Variants in DDX60 observed in about 807,000 individuals in gnomAD.
DDX60 encodes the protein probable ATP-dependent RNA helicase DDX60.
Under a neutral mutation model 212.8 loss-of-function variants are expected in DDX60, and 165 were observed. The ratio of observed to expected loss-of-function variants is 0.78; its 90% CI spans 0.68 to 0.88. The LOEUF (loss-of-function observed/expected upper bound fraction) is 0.88, where lower values mean the gene tolerates loss of function less well. DDX60 is among the 40% of genes least tolerant of loss of function. DDX60 has a pLI of 0.00. For missense variants in DDX60, 1,905 were observed against 2,003.9 expected (o/e 0.95, Z 0.94); for synonymous variants, 703 against 685.3 (o/e 1.03, Z -0.40).
chr4:168,302,036 G>C (rs534948718), intron 6 of DDX60, among the ~76,000 whole-genome samples: 14 of 152,232 alleles, frequency 9.2e-5, no homozygotes, highest in Non-Finnish European at 1.8e-4. Flanking sequence ...CAACTGAATG[G>C]ATGTGGTATC....
chr4:168,236,211 G>T, intron 33 of DDX60, 41 bp downstream of exon 33: 2 of 1,581,196 alleles, frequency 1.3e-6, no homozygotes, highest in Non-Finnish European at 8.6e-7. Context: ...TCTATTTAGT[G>T]GTTTTACATT....
the DDX60 span, among the ~76,000 whole-genome samples, chr4:168,323,898 C>A: frequency 6.6e-6 from 1 of 152,192 alleles, no homozygotes. Context: ...TTCAGAGACA[C>A]CCTGGTTAAA....
At chr4:168,287,248 C>T in intron 9 of DDX60, 45 bp from the exon 10 acceptor site, 1 of 1,485,454 alleles carries the variant, frequency 6.7e-7, no homozygotes, top group South Asian at 1.2e-5. Context: ...CCATCCACTC[C>T]CACATAAAGA....
Position 168,291,861 on chromosome 4 carries a change from T to G in DDX60, c.928A>C (p.Lys310Gln). 6.2e-7 allele frequency: 1 copy of G among 1,613,250 alleles called. No individual in the cohort carries two copies. Among genetic ancestry groups the G allele is most frequent in the Non-Finnish European group, 8.5e-7 (1 of 1,179,700 alleles). ...LTLQEMEDLC[K>Q]LHCLTVVFLL... ...AAAACCACAGTGAGACAATGCAGTT[T>G]ACACAAATCTTCCATCTCCTGCAGG... Residue 310 changes from lysine (K) to glutamine (Q), a missense_variant, in exon 8 of 38, where the codon AAA becomes CAA. Lys to Gln is a moderately conservative substitution (Grantham distance 53). Transcript: ENST00000393743.
In DDX60 at chr4:168,302,375, G is replaced by A. The variant is rs1167431680; in HGVS notation, c.648C>T (p.Asn216=). Residue 216 remains asparagine, a synonymous_variant, in exon 6 of 38, where the codon AAC becomes AAT. Coordinates refer to ENST00000393743, the MANE Select transcript of DDX60 (RefSeq NM_017631.6). The part of the protein sequence containing the change: ...NIKDAYTTLL[N]QLERFKLSAL... ...CTGAAAGCTTAAATCTTTCCAACTG[G>A]TTAAGCAGGGTTGTATAAGCATCTT... The A allele has an allele frequency of 1.2e-5, 19 of 1,585,756 alleles. No individual in the cohort carries two copies. The highest frequency in any genetic ancestry group is 1.6e-5 in the Non-Finnish European group (19 of 1,166,818).
intron 26 of DDX60, among the ~76,000 whole-genome samples, chr4:168,253,092 C>T (rs577387156): frequency 5.3e-5 from 8 of 152,306 alleles, no homozygotes; most frequent in East Asian, 3.9e-4. Context: ...CATGAGCCAC[C>T]GTGCCCGGCC....
At chr4:168,281,557 C>T (rs1055737476) in intron 13 of DDX60, among the ~76,000 whole-genome samples, 2 of 152,152 alleles carry the variant, frequency 1.3e-5, no homozygotes, top group Non-Finnish European at 2.9e-5. Context: ...ATAAGAGGAA[C>T]AACACAAATA....
intron 6 of DDX60, among the ~76,000 whole-genome samples, chr4:168,300,546 A>G (rs1352756071): frequency 6.6e-6 from 1 of 151,980 alleles, no homozygotes; most frequent in African/African-American, 2.4e-5. Context: ...TCTCAAAAAA[A>G]AAAGAAGCTA....
intron 1 of DDX60, among the ~76,000 whole-genome samples, chr4:168,312,727 C>CAGATAGATAGATAGAGAGAT (rs1553975488): frequency 3.3e-5 from 5 of 149,952 alleles, no homozygotes; most frequent in Non-Finnish European, 7.4e-5. Flanking sequence ...GATGGATACA[C>CAGATAGATAGATAGAGAGAT]AGATAGATAG....
At chr4:168,293,391 T>C (rs1736192984) in intron 7 of DDX60, among the ~76,000 whole-genome samples, 2 of 152,174 alleles carry the variant, frequency 1.3e-5, no homozygotes, top group African/African-American at 4.8e-5. Flanking sequence ...CCTGGACTAT[T>C]TGAACTTCAG....
chr4:168,316,115 C>T (rs1737359600), intron 1 of DDX60, among the ~76,000 whole-genome samples: 1 of 152,238 alleles, frequency 6.6e-6, no homozygotes, highest in African/African-American at 2.4e-5. Flanking sequence ...AACCATGAAA[C>T]TTTGTGTGAT....
upstream of DDX60, among the ~76,000 whole-genome samples, chr4:168,323,080 C>A (rs1737637465): frequency 6.6e-6 from 1 of 152,112 alleles, no homozygotes; most frequent in Non-Finnish European, 1.5e-5. Context: ...GTCTCTGGGG[C>A]CCCAAGAGCC....
chr4:168,262,815 C>T (rs775936581), intron 22 of DDX60, 28 bp from the exon 23 acceptor site: 33 of 1,455,626 alleles, frequency 2.3e-5, no homozygotes, highest in Non-Finnish European at 2.1e-5. Flanking sequence ...AAAATTTTTA[C>T]TCTTTATTTT....
chr4:168,274,126 T>C, intron 16 of DDX60, 43 bp from the exon 17 acceptor site: 4 of 1,610,036 alleles, frequency 2.5e-6, no homozygotes, highest in Non-Finnish European at 3.4e-6. Context: ...AACTGAACCG[T>C]ATGTTACCAA....
At position 168,250,986 on chromosome 4, in the gene DDX60, C is replaced by T. The variant is rs1734199514; in HGVS notation, c.3826G>A (p.Val1276Ile). 1 of 1,605,538 alleles carries T rather than the reference C, an allele frequency of 6.2e-7. No individual in the cohort carries two copies. The highest frequency in any genetic ancestry group is 8.5e-7 in the Non-Finnish European group (1 of 1,176,414). Residue 1276 changes from valine (V) to isoleucine (I), a missense_variant, in exon 28 of 38, where the codon GTT becomes ATT. Val to Ile is a conservative substitution (Grantham distance 29, BLOSUM62 3). Transcript: ENST00000393743. ...TATCCTTTTCTAAAGAGGATTTCAA[C>T]TAATTGTTTTTCTTTGAAACTCATA... ...SAMSFKEKQL[V>I]EILFRKGYLR...
At chr4:168,242,165 C>T (rs67563069) in intron 30 of DDX60, among the ~76,000 whole-genome samples, 25,843 of 152,150 alleles carry the variant, frequency 0.17, 3,825 homozygotes, top group African/African-American at 0.39. Flanking sequence ...TGAAACTTCC[C>T]GGATGTCCAG....
intron 19 of DDX60, among the ~76,000 whole-genome samples, chr4:168,269,879 T>C (rs991410088): frequency 5.3e-5 from 8 of 152,140 alleles, no homozygotes; most frequent in African/African-American, 1.7e-4. Flanking sequence ...AAAATACTCT[T>C]ACCCTCTATT....
intron 30 of DDX60, among the ~76,000 whole-genome samples, chr4:168,244,318 A>G (rs1320866916): frequency 4.0e-5 from 6 of 149,156 alleles, no homozygotes; most frequent in African/African-American, 1.5e-4. Flanking sequence ...GTGCCAAATG[A>G]TATGACTTCT....
intron 18 of DDX60, among the ~76,000 whole-genome samples, chr4:168,272,713 G>T (rs1367159059): frequency 6.6e-6 from 1 of 152,194 alleles, no homozygotes; most frequent in Non-Finnish European, 1.5e-5. Context: ...CTGATGGCTG[G>T]CATCTATCTT....
Sources: gnomAD v4.1 joint callset for allele counts (sites outside exome capture counted in the v4.1 genomes callset) on GRCh38, gnomAD v4.1.1 for gene constraint, MANE v1.5 for transcripts, NCBI Gene and HGNC (gene_info 2026-07-23, HGNC 2026-07-21) for gene names.